The following UBP1 variants were observed in gnomAD, a reference collection of about 807,000 sequenced individuals.
UBP1 encodes the protein upstream-binding protein 1.
Under a neutral mutation model 76.1 loss-of-function variants are expected in UBP1, and 22 were observed. The ratio of observed to expected loss-of-function variants is 0.29; its 90% CI spans 0.21 to 0.41. The LOEUF is 0.41. UBP1 is among the 10% of genes least tolerant of loss of function. UBP1 has a pLI of 1.00. For missense variants in UBP1, 436 were observed against 668.1 expected (o/e 0.65, Z 3.83); for synonymous variants, 224 against 237.1 (o/e 0.94, Z 0.51).
chr3:33,400,923 C>T (rs1163015325), intron 10 of UBP1, 39 bp downstream of exon 10: 3 of 1,579,736 alleles, frequency 1.9e-6, no homozygotes, highest in Non-Finnish European at 1.7e-6. Context: ...AATGTAGAAC[C>T]CTGAAAGCAT....
chr3:33,401,871 C>G (rs1279365561), intron 9 of UBP1, among the ~76,000 whole-genome samples: 1 of 152,156 alleles, frequency 6.6e-6, no homozygotes, highest in Non-Finnish European at 1.5e-5. Context: ...GGAAACTATT[C>G]TAAGCCCTCA....
chr3:33,415,811 T>C (rs1009844268), intron 3 of UBP1, among the ~76,000 whole-genome samples: 36 of 152,004 alleles, frequency 2.4e-4, no homozygotes, highest in Non-Finnish European at 1.0e-4. Context: ...GAAAGCACAT[T>C]GCTGAATATG....
chr3:33,396,442 CA>C, intron 12 of UBP1, 162 bp from the exon 13 acceptor site: 1 of 525,014 alleles, frequency 1.9e-6, no homozygotes, highest in Non-Finnish European at 3.4e-6. Context: ...AAAAACCACA[CA>C]CCTCACACCA....
chr3:33,406,274 C>T (rs1339377884), intron 8 of UBP1, among the ~76,000 whole-genome samples: 1 of 152,066 alleles, frequency 6.6e-6, no homozygotes, highest in Non-Finnish European at 1.5e-5. Flanking sequence ...AAAAACTAGA[C>T]CCTTGTTTTT....
At chr3:33,395,750 GAAAAAA>G (rs61654235) in intron 13 of UBP1, among the ~76,000 whole-genome samples, 78 of 69,794 alleles carry the variant, frequency 1.1e-3, no homozygotes, top group South Asian at 2.1e-3. Flanking sequence ...CAGGAAAATT[GAAAAAA>G]AAAAAAAAAA....
At chr3:33,396,454 A>C in intron 12 of UBP1, 174 bp from the exon 13 acceptor site, 2 of 514,556 alleles carry the variant, frequency 3.9e-6, no homozygotes, top group Non-Finnish European at 6.9e-6. Flanking sequence ...CCTCACACCA[A>C]CTATCACAGG....
At chr3:33,391,016 A>G (rs1035157851) in intron 15 of UBP1, 3 of 152,460 alleles carry the variant, frequency 2.0e-5, no homozygotes, top group Admixed American at 6.5e-5. Flanking sequence ...CAATTATAGT[A>G]TATGTCTTCT....
chr3:33,390,419 G>C (rs774530662), intron 15 of UBP1, 51 bp from the exon 16 acceptor site: 2 of 1,608,118 alleles, frequency 1.2e-6, no homozygotes, highest in Admixed American at 3.3e-5. Flanking sequence ...AGGAAATTAA[G>C]CCTATTAAAT....
Position 33,388,651 on chromosome 3 carries a change from T to C in UBP1, c.*1680A>G, listed in dbSNP as rs1341630392. 6.6e-6 allele frequency: 1 copy of C among 152,196 alleles called. No individual in the cohort carries two copies. Among genetic ancestry groups the C allele is most frequent in the Non-Finnish European group, 1.5e-5 (1 of 68,036 alleles). The allele number at this position is 152,196 out of a possible 1,614,324, so 9.4% of individuals were successfully genotyped here. A position where few individuals can be genotyped will look rare whatever the true frequency, so the allele number is the denominator to read the frequency against. ...TTTAAAACAAACGAGATAAACTCACTTCTTTCCCCAGTGACTGGTACAGAA... is the reference window on the plus strand; with the variant it reads ...TTTAAAACAAACGAGATAAACTCACCTCTTTCCCCAGTGACTGGTACAGAA... On this transcript the variant is annotated 3_prime_UTR_variant, in exon 16 of 16. Coordinates refer to ENST00000283629, the MANE Select transcript of UBP1 (RefSeq NM_014517.5).
chr3:33,433,783 C>A (rs1379733705), intron 1 of UBP1, among the ~76,000 whole-genome samples: 1 of 152,054 alleles, frequency 6.6e-6, no homozygotes, highest in Non-Finnish European at 1.5e-5. Context: ...CACCATGTGG[C>A]CCACCTGTGG....
In UBP1 at chr3:33,388,478, A is replaced by G. The variant is rs556287709; in HGVS notation, c.*1853T>C. The G allele has an allele frequency of 2.6e-5, 4 of 152,764 alleles. No homozygotes were observed. In the East Asian group the frequency reaches 7.7e-4, roughly 29 times the overall value. 9.5% of individuals were successfully genotyped at this position (152,764 alleles called of 1,614,324 possible). On this transcript the variant is annotated 3_prime_UTR_variant, in exon 16 of 16. Coordinates refer to ENST00000283629, the MANE Select transcript of UBP1 (RefSeq NM_014517.5). ...ACTCACGTTCAATGCCACTCAGTATAATTTCAAGTCTGATAAGCATCTAAG... is the reference window on the plus strand; with the variant it reads ...ACTCACGTTCAATGCCACTCAGTATGATTTCAAGTCTGATAAGCATCTAAG...
intron 13 of UBP1, among the ~76,000 whole-genome samples, chr3:33,394,711 T>A (rs1324923495): frequency 6.6e-6 from 1 of 151,896 alleles, no homozygotes; most frequent in African/African-American, 2.4e-5. Flanking sequence ...GAATTTTCCA[T>A]TACATAAAAG....
At chr3:33,439,704 A>G (rs1482317192) in intron 1 of UBP1, 32 bp downstream of exon 1, 1 of 1,606,096 alleles carries the variant, frequency 6.2e-7, no homozygotes, top group East Asian at 2.2e-5. Flanking sequence ...CCAAGGAGAC[A>G]GAGGCTTCTC....
intron 13 of UBP1, 138 bp downstream of exon 13, chr3:33,396,024 T>C (rs1414266763): frequency 3.0e-6 from 2 of 663,528 alleles, no homozygotes; most frequent in Admixed American, 2.7e-5. Flanking sequence ...CCACCTCTCA[T>C]TGCTGTCAAG....
chr3:33,420,133 A>G (rs1032523671), intron 2 of UBP1, among the ~76,000 whole-genome samples: 2 of 152,182 alleles, frequency 1.3e-5, no homozygotes, highest in Non-Finnish European at 2.9e-5. Context: ...GCTAAATTCA[A>G]TGCTTTAGAA....
chr3:33,421,221 G>A (rs2044882864), intron 2 of UBP1, among the ~76,000 whole-genome samples: 1 of 148,768 alleles, frequency 6.7e-6, no homozygotes, highest in Admixed American at 6.7e-5. Flanking sequence ...TTACTCCAGA[G>A]TTAAAGTCAG....
intron 8 of UBP1, among the ~76,000 whole-genome samples, chr3:33,404,239 C>T (rs932486318): frequency 1.3e-5 from 2 of 152,006 alleles, no homozygotes; most frequent in African/African-American, 2.4e-5. Flanking sequence ...GGTGACACCC[C>T]GTCTCTACTA....
At chr3:33,429,826 G>GCAGT (rs956334715) in intron 1 of UBP1, among the ~76,000 whole-genome samples, 11 of 152,208 alleles carry the variant, frequency 7.2e-5, no homozygotes, top group African/African-American at 2.7e-4. Context: ...ATGAATGACT[G>GCAGT]CAAGACCCTA....
chr3:33,415,291 T>C (rs998426941), intron 3 of UBP1, among the ~76,000 whole-genome samples: 1 of 152,250 alleles, frequency 6.6e-6, no homozygotes, highest in Non-Finnish European at 1.5e-5. Context: ...CTTCAATGCC[T>C]TGATGGACAC....
Sources: gnomAD v4.1 joint callset for allele counts (sites outside exome capture counted in the v4.1 genomes callset) on GRCh38, gnomAD v4.1.1 for gene constraint, MANE v1.5 for transcripts, NCBI Gene and HGNC (gene_info 2026-07-23, HGNC 2026-07-21) for gene names.